The following XKR6 variants were observed in gnomAD, a reference collection of about 807,000 sequenced individuals.
The protein encoded by XKR6 is XK related 6.
In XKR6, 22 loss-of-function variants were observed where a neutral mutation model predicts 56.7. The ratio of observed to expected loss-of-function variants is 0.39; its 90% CI spans 0.28 to 0.55. The LOEUF (loss-of-function observed/expected upper bound fraction) is 0.55. Ranked by LOEUF, XKR6 falls within the 20% of genes least tolerant of loss-of-function variation. The probability of loss-of-function intolerance (pLI) is 0.66; values close to 1 mark genes in which losing one functional copy is unlikely to be tolerated. For missense variants in XKR6, 852 were observed against 889.0 expected (o/e 0.96, Z 0.53); for synonymous variants, 524 against 387.8 (o/e 1.35, Z -4.13).
intron 1 of XKR6, among the ~76,000 whole-genome samples, chr8:10,999,567 G>T (rs564406410): frequency 1.3e-5 from 2 of 152,108 alleles, no homozygotes; most frequent in East Asian, 1.9e-4. Context: ...AGAAAAGAAG[G>T]GTTTGGTCAA....
At chr8:10,928,020 G>A (rs974963330) in intron 1 of XKR6, among the ~76,000 whole-genome samples, 2 of 152,160 alleles carry the variant, frequency 1.3e-5, no homozygotes, top group African/African-American at 4.8e-5. Flanking sequence ...AACTGCTCCC[G>A]GCTCGGTCCC....
chr8:10,985,324 G>A (rs979153788), intron 1 of XKR6, among the ~76,000 whole-genome samples: 3 of 151,980 alleles, frequency 2.0e-5, no homozygotes, highest in African/African-American at 7.2e-5. Context: ...GAGTTCTCCT[G>A]CACCCACTTT....
intron 1 of XKR6, among the ~76,000 whole-genome samples, chr8:11,046,122 G>C (rs760901790): frequency 1.3e-5 from 2 of 152,038 alleles, no homozygotes; most frequent in Non-Finnish European, 2.9e-5. Flanking sequence ...ATTCAGGCTG[G>C]TCACGGTGGC....
At chr8:10,980,068 G>A (rs538518076) in intron 1 of XKR6, among the ~76,000 whole-genome samples, 1 of 152,374 alleles carries the variant, frequency 6.6e-6, no homozygotes, top group South Asian at 2.1e-4. Context: ...TGAACAGACA[G>A]GGGAGCTTGG....
intron 1 of XKR6, among the ~76,000 whole-genome samples, chr8:11,078,823 T>C (rs1800340849): frequency 6.6e-6 from 1 of 152,152 alleles, no homozygotes; most frequent in African/African-American, 2.4e-5. Flanking sequence ...CTCAGCACCA[T>C]AGGAGAAGAG....
intron 1 of XKR6, among the ~76,000 whole-genome samples, chr8:11,199,945 G>A (rs1804109288): frequency 6.7e-6 from 1 of 150,334 alleles, no homozygotes; most frequent in Admixed American, 6.6e-5. Flanking sequence ...CTGTCGCTAA[G>A]AAAAGGACAC....
chr8:11,148,671 C>A lies in XKR6; in HGVS notation c.764+51905G>T, dbSNP rs145963740. On this transcript the variant is annotated intron_variant, in intron 1 of 2. Transcript: ENST00000416569. ...TATCATATGATCCAGCTATTCCACTCCTAGGTATTTATCGAGGAGAAATAA... is the reference window on the plus strand; with the variant it reads ...TATCATATGATCCAGCTATTCCACTACTAGGTATTTATCGAGGAGAAATAA... Among the ~76,000 whole-genome samples the A allele has an allele frequency of 2.2e-3, 328 of 152,024 alleles. 1 individual carries two copies. Among genetic ancestry groups the A allele is most frequent in the African/African-American group, 7.6e-3 (315 of 41,302 alleles).
chr8:11,125,893 T>C (rs1299105884), intron 1 of XKR6: 1 of 152,224 alleles, frequency 6.6e-6, no homozygotes. Flanking sequence ...CTCAGTACTA[T>C]ACTTCTACCC....
At chr8:10,905,672 C>T (rs1345604551) in intron 2 of XKR6, among the ~76,000 whole-genome samples, 1 of 152,174 alleles carries the variant, frequency 6.6e-6, no homozygotes, top group Non-Finnish European at 1.5e-5. Flanking sequence ...CTCCCTGCCT[C>T]CCTCCCTCCT....
chr8:11,102,612 C>T (rs1798525780), intron 1 of XKR6, among the ~76,000 whole-genome samples: 1 of 152,060 alleles, frequency 6.6e-6, no homozygotes, highest in Admixed American at 6.5e-5. Flanking sequence ...ATTCTGCCCA[C>T]TCACAACCGG....
At chr8:11,128,600 T>C (rs1274646183) in intron 1 of XKR6, among the ~76,000 whole-genome samples, 2 of 152,210 alleles carry the variant, frequency 1.3e-5, no homozygotes, top group African/African-American at 4.8e-5. Flanking sequence ...TTTATCCAAG[T>C]ACCACCTAGA....
chr8:11,079,020 A>G lies in XKR6; in HGVS notation c.764+121556T>C, dbSNP rs74882848. On this transcript the variant is annotated intron_variant, in intron 1 of 2. Transcript: ENST00000416569. ...GAAGAAGGAGCAAGACTAGAGGAAC[A>G]GGGCGCTGCAGGGCCATAAGAACCC... Among the ~76,000 whole-genome samples, 262 of 152,330 alleles carry G rather than the reference A, an allele frequency of 1.7e-3. 1 individual carries two copies. The highest frequency in any genetic ancestry group is 6.2e-3 in the African/African-American group (258 of 41,574).
intron 2 of XKR6, among the ~76,000 whole-genome samples, chr8:10,916,000 C>A (rs954428276): frequency 6.6e-6 from 1 of 152,218 alleles, no homozygotes; most frequent in South Asian, 2.1e-4. Context: ...AAGTGGAGCT[C>A]TTGTGCTGGC....
intron 1 of XKR6, among the ~76,000 whole-genome samples, chr8:11,182,895 G>C (rs1803070820): frequency 6.6e-6 from 1 of 152,124 alleles, no homozygotes. Context: ...CCAGCCCCTG[G>C]CAGCCCCCTT....
chr8:11,114,953 T>C (rs1799100579), intron 1 of XKR6, among the ~76,000 whole-genome samples: 1 of 152,188 alleles, frequency 6.6e-6, no homozygotes, highest in South Asian at 2.1e-4. Context: ...ATACCGAATG[T>C]TTCTAAGCAC....
At position 11,076,643 on chromosome 8, in the gene XKR6, C is replaced by G. The variant is rs116928514; in HGVS notation, c.764+123933G>C. On this transcript the variant is annotated intron_variant, in intron 1 of 2. Coordinates refer to ENST00000416569, the MANE Select transcript of XKR6 (RefSeq NM_173683.4). Reference sequence around the variant, plus strand: ...ATAATGACACAGTAGCAAAGCGCCCCCAGCACAGGGCAGGCCCCGAAGAAA... The same window carrying G: ...ATAATGACACAGTAGCAAAGCGCCCGCAGCACAGGGCAGGCCCCGAAGAAA... 1.6e-3 allele frequency among the ~76,000 whole-genome samples: 249 copies of G among 152,280 alleles called. 2 individuals carry two copies. The highest frequency in any genetic ancestry group is 6.9e-3 in the Admixed American group (106 of 15,296).
In XKR6 at chr8:11,057,229, C is replaced by A. The variant is rs141314221; in HGVS notation, c.765-132399G>T. Among the ~76,000 whole-genome samples the A allele has an allele frequency of 3.3e-5, 5 of 152,350 alleles. No individual in the cohort carries two copies. In the South Asian group the frequency reaches 8.3e-4, roughly 25 times the overall value. On this transcript the variant is annotated intron_variant, in intron 1 of 2. Coordinates refer to ENST00000416569, the MANE Select transcript of XKR6 (RefSeq NM_173683.4). The stretch of plus-strand genomic sequence containing the variant: ...CTATAAGGAGCCCCCCTACTCCACA[C>A]TGCCTGCTTTATGTGTCTTTGTCAC...
intron 1 of XKR6, among the ~76,000 whole-genome samples, chr8:11,154,145 C>A (rs978488302): frequency 5.9e-5 from 9 of 152,136 alleles, no homozygotes; most frequent in African/African-American, 1.9e-4. Context: ...GTTGGCCACA[C>A]TGGATCTTAG....
chr8:11,114,336 T>C lies in XKR6; in HGVS notation c.764+86240A>G, dbSNP rs528207176. Reference sequence around the variant, plus strand: ...CAAAGCTAAAGTCATATTTGATTCATTTCCTGAGATTATAAAACACTGATT... The same window carrying C: ...CAAAGCTAAAGTCATATTTGATTCACTTCCTGAGATTATAAAACACTGATT... On this transcript the variant is annotated intron_variant, in intron 1 of 2. Coordinates refer to ENST00000416569, the MANE Select transcript of XKR6 (RefSeq NM_173683.4). Among the ~76,000 whole-genome samples the C allele has an allele frequency of 2.6e-4, 39 of 152,292 alleles. No homozygotes were observed. In the South Asian group the frequency reaches 8.1e-3, roughly 32 times the overall value.
Sources: allele counts gnomAD v4.1 joint callset (sites outside exome capture counted in the v4.1 genomes callset), GRCh38; gene constraint gnomAD v4.1.1; transcripts MANE v1.5; gene names NCBI Gene and HGNC (gene_info 2026-07-23, HGNC 2026-07-21).